Variants in CDYL observed in about 807,000 individuals in gnomAD.
CDYL encodes the protein chromodomain Y-like protein.
A neutral mutation model predicts 47.3 loss-of-function variants in CDYL; 8 were observed. The observed-to-expected ratio is 0.17, with a 90% CI of 0.10 to 0.31. The LOEUF (loss-of-function observed/expected upper bound fraction) is 0.31, where lower values mean the gene tolerates loss of function less well. Among genes scored for constraint, CDYL ranks in the 10% least tolerant of loss-of-function variants. CDYL has a pLI of 1.00. For synonymous variants in CDYL, 266 were observed against 265.0 expected (o/e 1.00, Z -0.04); for missense variants, 471 against 701.4 (o/e 0.67, Z 3.71).
In CDYL at chr6:4,832,394, A is replaced by G. The variant is rs1484123328; in HGVS notation, c.24+55587A>G. Among the ~76,000 whole-genome samples the G allele has an allele frequency of 4.6e-5, 7 of 151,266 alleles. No homozygotes were observed. In the East Asian group the frequency reaches 7.7e-4, roughly 17 times the overall value. ...GGATTACATTTATTGATTTGCGTAT[A>G]TTGAACCAGTCTTGCATCCCAGGGA... On this transcript the variant is annotated intron_variant, in intron 1 of 6. Coordinates refer to ENST00000397588, the MANE Select transcript of CDYL (RefSeq NM_004824.4).
At chr6:4,717,193 G>A (rs1227425034) in intron 2 of CDYL, among the ~76,000 whole-genome samples, 3 of 152,164 alleles carry the variant, frequency 2.0e-5, no homozygotes, top group Non-Finnish European at 4.4e-5. Flanking sequence ...GTACTTTAAA[G>A]AGGCTGAGGC....
chr6:4,820,939 A>G (rs1759817899), intron 1 of CDYL, among the ~76,000 whole-genome samples: 1 of 152,232 alleles, frequency 6.6e-6, no homozygotes, highest in Non-Finnish European at 1.5e-5. Flanking sequence ...GACATCCACA[A>G]CCAGAATTGT....
intron 1 of CDYL, among the ~76,000 whole-genome samples, chr6:4,785,195 C>T (rs1377315282): frequency 6.6e-6 from 1 of 152,190 alleles, no homozygotes; most frequent in Non-Finnish European, 1.5e-5. Flanking sequence ...GTGTAGTAGG[C>T]TACAACATTG....
intron 2 of CDYL, among the ~76,000 whole-genome samples, chr6:4,900,805 A>ATCTATATC (rs1561697603): frequency 7.1e-5 from 6 of 83,940 alleles, no homozygotes; most frequent in African/African-American, 2.8e-4. Context: ...ATATATATAT[A>ATCTATATC]TATATATATA....
chr6:4,865,130 G>A (rs1761282059), intron 1 of CDYL, among the ~76,000 whole-genome samples: 1 of 152,096 alleles, frequency 6.6e-6, no homozygotes, highest in Admixed American at 6.5e-5. Flanking sequence ...CTCATCACCT[G>A]CTGCATCTTG....
intron 2 of CDYL, among the ~76,000 whole-genome samples, chr6:4,929,260 C>T (rs1396979387): frequency 2.0e-5 from 3 of 151,796 alleles, no homozygotes; most frequent in African/African-American, 7.3e-5. Flanking sequence ...TTCAAAGGTG[C>T]CATTCCATTT....
chr6:4,845,062 GA>G (rs1299516087), intron 1 of CDYL, among the ~76,000 whole-genome samples: 2 of 152,170 alleles, frequency 1.3e-5, no homozygotes, highest in Non-Finnish European at 2.9e-5. Flanking sequence ...TGCACTTACT[GA>G]ATTTCAAAAT....
chr6:4,882,438 T>G (rs1373667684), intron 1 of CDYL, among the ~76,000 whole-genome samples: 1 of 152,206 alleles, frequency 6.6e-6, no homozygotes, highest in Non-Finnish European at 1.5e-5. Context: ...TATTGCTAAT[T>G]CTTCTCTGGG....
At chr6:4,802,590 C>T (rs1759256212) in intron 1 of CDYL, among the ~76,000 whole-genome samples, 1 of 152,102 alleles carries the variant, frequency 6.6e-6, no homozygotes, top group Non-Finnish European at 1.5e-5. Context: ...GTTTGTGTGA[C>T]CTCTTCACCC....
At chr6:4,777,080 C>A (rs1184347817) in intron 1 of CDYL, among the ~76,000 whole-genome samples, 5 of 147,244 alleles carry the variant, frequency 3.4e-5, no homozygotes, top group Non-Finnish European at 6.0e-5. Flanking sequence ...CTTGCTCGGA[C>A]TGAGCTCAAA....
Position 4,723,543 on chromosome 6 carries a change from G to C in CDYL, c.103+7662G>C, listed in dbSNP as rs138460665. On this transcript the variant is annotated intron_variant, in intron 2 of 8. Coordinates refer to the CDYL transcript ENST00000328908. ...AGTGGGGGCTGCCAGCACCTGAAAAGGCAGAGGAGGCTGTCCAACCTGAAC... is the reference window on the plus strand; with the variant it reads ...AGTGGGGGCTGCCAGCACCTGAAAACGCAGAGGAGGCTGTCCAACCTGAAC... Among the ~76,000 whole-genome samples, 331 of 152,300 alleles carry C rather than the reference G, an allele frequency of 2.2e-3. 1 individual carries two copies. Among genetic ancestry groups the C allele is most frequent in the Admixed American group, 5.2e-3 (79 of 15,292 alleles).
At position 4,859,047 on chromosome 6, in the gene CDYL, G is replaced by C. The variant is rs73717737; in HGVS notation, c.25-32666G>C. Among the ~76,000 whole-genome samples the C allele has an allele frequency of 4.5e-3, 693 of 152,308 alleles. 5 individuals are homozygous for C. Among genetic ancestry groups the C allele is most frequent in the African/African-American group, 0.016 (672 of 41,560 alleles). ...TACGTGCTTTTAGAGTAGTCCTAGA[G>C]CTAGAATCATTTGTACACATTTTAC... On this transcript the variant is annotated intron_variant, in intron 1 of 6. Transcript: ENST00000397588.
At chr6:4,743,706 C>T (rs1757836712) in intron 3 of CDYL, among the ~76,000 whole-genome samples, 1 of 152,276 alleles carries the variant, frequency 6.6e-6, no homozygotes, top group African/African-American at 2.4e-5. Flanking sequence ...TATATATCAT[C>T]CAACTCATGG....
chr6:4,945,586 T>C (rs1178689950), intron 5 of CDYL, among the ~76,000 whole-genome samples: 1 of 152,206 alleles, frequency 6.6e-6, no homozygotes, highest in Non-Finnish European at 1.5e-5. Context: ...TTAACTGCTA[T>C]AGTTGATCAG....
intron 1 of CDYL, among the ~76,000 whole-genome samples, chr6:4,792,726 G>A (rs1425570665): frequency 1.3e-5 from 2 of 152,024 alleles, no homozygotes; most frequent in East Asian, 1.9e-4. Flanking sequence ...ATGAGCCACC[G>A]CGCCTGGCTT....
At chr6:4,815,790 C>T (rs1759657891) in intron 1 of CDYL, among the ~76,000 whole-genome samples, 1 of 150,012 alleles carries the variant, frequency 6.7e-6, no homozygotes. Flanking sequence ...CCCGTGTCAG[C>T]ATTTTCTCCT....
chr6:4,888,001 A>G (rs773731242), intron 1 of CDYL, among the ~76,000 whole-genome samples: 13 of 151,592 alleles, frequency 8.6e-5, no homozygotes, highest in Non-Finnish European at 1.5e-4. Flanking sequence ...ATGAATGTTA[A>G]TTGACTTTCA....
chr6:4,863,680 AAAT>A (rs1232039269), intron 1 of CDYL, among the ~76,000 whole-genome samples: 2 of 152,222 alleles, frequency 1.3e-5, no homozygotes, highest in African/African-American at 4.8e-5. Context: ...TTAATCAAGA[AAAT>A]AAATATCCTT....
At chr6:4,794,590 G>A (rs1759018407) in intron 1 of CDYL, among the ~76,000 whole-genome samples, 1 of 152,072 alleles carries the variant, frequency 6.6e-6, no homozygotes, top group Non-Finnish European at 1.5e-5. Context: ...GAAGGGGAGG[G>A]CCAGGAGAGA....
Sources: gnomAD v4.1 joint callset for allele counts (sites outside exome capture counted in the v4.1 genomes callset) on GRCh38, gnomAD v4.1.1 for gene constraint, MANE v1.5 for transcripts, NCBI Gene and HGNC (gene_info 2026-07-23, HGNC 2026-07-21) for gene names.